Variants in RAB28 observed in about 807,000 individuals in gnomAD.
RAB28 encodes the protein RAB28, member RAS oncogene family, also known as ras-related protein Rab-28.
In RAB28, 24 loss-of-function variants were observed where a neutral mutation model predicts 31.7. The ratio of observed to expected loss-of-function variants is 0.76; its 90% CI spans 0.55 to 1.06. The LOEUF (loss-of-function observed/expected upper bound fraction) is 1.06, where lower values mean the gene tolerates loss of function less well. RAB28 is among the 50% of genes least tolerant of loss of function. The pLI is 0.00. For synonymous variants in RAB28, 100 were observed against 90.4 expected, an observed-to-expected ratio of 1.11 and a Z score of -0.60; for missense variants, 254 against 258.5, an observed-to-expected ratio of 0.98 and a Z score of 0.12.
chr4:13,398,022 G>A lies in RAB28; in HGVS notation c.392-16428C>T, dbSNP rs10939478. Among the ~76,000 whole-genome samples, 5 of 151,828 alleles carry A rather than the reference G, an allele frequency of 3.3e-5. 1 individual carries two copies. The South Asian group carries it at 1.0e-3, about 32-fold the overall frequency. ...AGACAGAGGAGGGAGCAAGTAAGAA[G>A]TCACATTATTTCCTCAATTTCATCA... On this transcript the variant is annotated intron_variant, in intron 4 of 6. Coordinates refer to ENST00000330852, the MANE Select transcript of RAB28 (RefSeq NM_001017979.3).
At chr4:13,475,662 T>C (rs894942894) in intron 2 of RAB28, among the ~76,000 whole-genome samples, 1 of 150,746 alleles carries the variant, frequency 6.6e-6, no homozygotes, top group Non-Finnish European at 1.5e-5. Context: ...TCCATTAGCA[T>C]TAATGAGCGC....
At chr4:13,379,316 T>C (rs955802960) in intron 5 of RAB28, among the ~76,000 whole-genome samples, 5 of 151,842 alleles carry the variant, frequency 3.3e-5, no homozygotes, top group Middle Eastern at 3.4e-3. Context: ...AGATTAGTGA[T>C]TGTGAACTTA....
intron 6 of RAB28, chr4:13,370,485 G>C (rs1214045293): frequency 2.6e-6 from 2 of 782,788 alleles, no homozygotes; most frequent in Non-Finnish European, 3.1e-6. Flanking sequence ...AATGGAAAGA[G>C]AAACACATAT....
chr4:13,440,917 AG>A (rs1714379854), intron 4 of RAB28, among the ~76,000 whole-genome samples: 1 of 152,142 alleles, frequency 6.6e-6, no homozygotes, highest in African/African-American at 2.4e-5. Flanking sequence ...CCACTGAGAA[AG>A]GCCTTAGAAT....
intron 3 of RAB28, among the ~76,000 whole-genome samples, chr4:13,462,102 C>T (rs1193072191): frequency 6.6e-6 from 1 of 152,176 alleles, no homozygotes; most frequent in African/African-American, 2.4e-5. Flanking sequence ...AAGGAACTCA[C>T]AGTCTTGCAG....
chr4:13,392,145 T>C (rs1729660918), intron 4 of RAB28, among the ~76,000 whole-genome samples: 1 of 152,224 alleles, frequency 6.6e-6, no homozygotes, highest in Non-Finnish European at 1.5e-5. Context: ...TTGGCCCTGC[T>C]GATTCTAGTG....
At chr4:13,369,968 G>C in intron 6 of RAB28, 1 of 1,608,736 alleles carries the variant, frequency 6.2e-7, no homozygotes, top group Non-Finnish European at 8.5e-7. Flanking sequence ...ACAATACGCT[G>C]TCAATTCCAT....
chr4:13,400,049 T>C (rs1577175372), intron 4 of RAB28, among the ~76,000 whole-genome samples: 1 of 152,322 alleles, frequency 6.6e-6, no homozygotes, highest in East Asian at 1.9e-4. Flanking sequence ...TTTTTGTGCA[T>C]GGTAATATCC....
chr4:13,476,372 GT>G (rs967587031), intron 2 of RAB28, among the ~76,000 whole-genome samples: 22 of 151,030 alleles, frequency 1.5e-4, no homozygotes, highest in African/African-American at 4.4e-4. Flanking sequence ...GTGTTTGCCT[GT>G]TTTTTTTAAC....
intron 4 of RAB28, among the ~76,000 whole-genome samples, chr4:13,439,519 G>A (rs568488207): frequency 1.3e-5 from 2 of 151,834 alleles, no homozygotes; most frequent in Non-Finnish European, 2.9e-5. Context: ...GCTAATTGTT[G>A]TATCTTTAGT....
chr4:13,413,299 A>C (rs1038802472), intron 4 of RAB28, among the ~76,000 whole-genome samples: 39 of 152,226 alleles, frequency 2.6e-4, no homozygotes, highest in Non-Finnish European at 5.6e-4. Flanking sequence ...TTAAAAAATC[A>C]AACTTTCCTT....
In RAB28 at chr4:13,450,255, G is replaced by C. The variant is rs546181521; in HGVS notation, c.391+10444C>G. Among the ~76,000 whole-genome samples, 23 of 151,732 alleles carry C rather than the reference G, an allele frequency of 1.5e-4. No individual in the cohort carries two copies. The East Asian group carries it at 2.5e-3, about 17-fold the overall frequency. ...GTAAAAGCCACAAGTTAGGATTTAAGAAGCAAACTTCCTAAGTCTTTCATA... is the reference window on the plus strand; with the variant it reads ...GTAAAAGCCACAAGTTAGGATTTAACAAGCAAACTTCCTAAGTCTTTCATA... On this transcript the variant is annotated intron_variant, in intron 4 of 6. Transcript: ENST00000330852.
chr4:13,402,907 G>A (rs140270112), intron 4 of RAB28, among the ~76,000 whole-genome samples: 27 of 152,054 alleles, frequency 1.8e-4, no homozygotes, highest in South Asian at 6.2e-4. Context: ...CTATCCTCCC[G>A]CCTCACCTCT....
At chr4:13,479,585 A>C in intron 1 of RAB28, 59 bp from the exon 2 acceptor site, 1 of 1,121,882 alleles carries the variant, frequency 8.9e-7, no homozygotes. Context: ...TAATCATAAG[A>C]CCACTATAAA....
intron 4 of RAB28, among the ~76,000 whole-genome samples, chr4:13,428,484 A>C (rs913821252): frequency 1.3e-5 from 2 of 152,264 alleles, no homozygotes; most frequent in Non-Finnish European, 2.9e-5. Context: ...AGAAACATCC[A>C]GAAAGGATGA....
At chr4:13,391,295 C>T (rs576347883) in intron 4 of RAB28, among the ~76,000 whole-genome samples, 87 of 152,258 alleles carry the variant, frequency 5.7e-4, no homozygotes, top group African/African-American at 1.9e-3. Flanking sequence ...CCAACAGACA[C>T]ATGAAAAAAC....
At chr4:13,414,327 A>T (rs1446435915) in intron 4 of RAB28, among the ~76,000 whole-genome samples, 1 of 152,228 alleles carries the variant, frequency 6.6e-6, no homozygotes, top group Non-Finnish European at 1.5e-5. Flanking sequence ...GCTGTAAGGG[A>T]AAGTCATTTG....
At position 13,479,474 on chromosome 4, in the gene RAB28, T is replaced by C. The variant is rs1716512015; in HGVS notation, c.128A>G (p.Gln43Arg). 1.9e-6 allele frequency: 3 copies of C among 1,609,600 alleles called. No individual in the cohort carries two copies. Among genetic ancestry groups the C allele is most frequent in the Admixed American group, 3.3e-5 (2 of 59,854 alleles). Residue 43 changes from glutamine (Q) to arginine (R), a missense_variant, in exon 2 of 7, where the codon CAA becomes CGA. Gln to Arg is a conservative substitution (Grantham distance 43, BLOSUM62 1). Coordinates refer to ENST00000330852, the MANE Select transcript of RAB28 (RefSeq NM_001017979.3). ...CAAAAAGAAATCCAGTCCTATAGTT[T>C]GTTTGTACTGTTTCCCAAAAGTTTC... ...AQETFGKQYK[Q>R]TIGLDFFLRR...
At chr4:13,469,864 A>AT (rs991677416) in intron 3 of RAB28, among the ~76,000 whole-genome samples, 2 of 151,790 alleles carry the variant, frequency 1.3e-5, no homozygotes, top group African/African-American at 2.4e-5. Context: ...AATTTTTTAA[A>AT]TTTTTTTGTA....
Sources: gnomAD v4.1 joint callset for allele counts (sites outside exome capture counted in the v4.1 genomes callset) on GRCh38, gnomAD v4.1.1 for gene constraint, MANE v1.5 for transcripts, NCBI Gene and HGNC (gene_info 2026-07-23, HGNC 2026-07-21) for gene names.